Variants in LPA observed in about 807,000 individuals in gnomAD.
LPA encodes the protein apolipoprotein(a).
Under a neutral mutation model 197.9 loss-of-function variants are expected in LPA, and 199 were observed. That is an observed-to-expected ratio of 1.01 (90% CI 0.90 to 1.13). LPA has a LOEUF of 1.13. Among genes scored for constraint, LPA ranks in the 50% most tolerant of loss-of-function variants. The pLI, the probability that LPA is intolerant of heterozygous loss-of-function variation, is 0.00. For missense variants in LPA, 1,853 were observed against 1,785.8 expected, an observed-to-expected ratio of 1.04 and a Z score of -0.68; for synonymous variants, 715 against 639.5, an observed-to-expected ratio of 1.12 and a Z score of -1.78.
intron 28 of LPA, among the ~76,000 whole-genome samples, chr6:160,568,664 G>T (rs954585078): frequency 6.6e-6 from 1 of 152,134 alleles, no homozygotes; most frequent in Non-Finnish European, 1.5e-5. Flanking sequence ...AGGAAATAAA[G>T]GGTATTCAGT....
At position 160,548,528 on chromosome 6, in the gene LPA, G is replaced by A; in HGVS notation, c.5105C>T (p.Ala1702Val). ...RCSDTEGTVV[A>V]PPTVIQVPSL... is the part of the protein sequence containing the mutation. ...TGGAACCTGGATGACAGTCGGAGGA[G>A]CGACCACAGTCCCTTCTGTGTCTGA... Residue 1702 changes from alanine to valine, a missense_variant, in exon 31 of 39, where the codon GCT (alanine) becomes GTT (valine). By Grantham distance (64) the Ala-to-Val change is moderately conservative. Coordinates refer to ENST00000316300, the MANE Select transcript of LPA (RefSeq NM_005577.4). 2 of 1,614,114 alleles carry A rather than the reference G, an allele frequency of 1.2e-6. No individual in the cohort carries two copies. The highest frequency in any genetic ancestry group is 1.7e-6 in the Non-Finnish European group (2 of 1,180,016).
At position 160,591,015 on chromosome 6, in the gene LPA, T is replaced by C. The variant is rs1163781224; in HGVS notation, c.3716A>G (p.Tyr1239Cys). The C allele has an allele frequency of 6.2e-7, 1 of 1,613,900 alleles. No homozygotes were observed. The highest frequency in any genetic ancestry group is 8.5e-7 in the Non-Finnish European group (1 of 1,179,938). ...YTMDPNVRWE[Y>C]CNLTQCPVTE... ...CACTGGACATTGTGTCAGGTTGCAG[T>C]ACTCCCATCTGACATTGGGATCCAT... The change falls in exon 23 of 39, where the codon TAC becomes TGC. Residue 1239 changes from tyrosine (Y) to cysteine (C), a missense_variant. Tyr to Cys is a radical substitution (Grantham distance 194). Around this residue, in one of 3 missense-constraint regions of LPA, gnomAD observed 1,737 missense variants for 1,504.4 expected, o/e 1.15. Transcript: ENST00000316300.
intron 18 of LPA, among the ~76,000 whole-genome samples, chr6:160,601,303 G>GA (rs368291864): frequency 3.3e-5 from 5 of 151,690 alleles, no homozygotes; most frequent in African/African-American, 7.2e-5. Context: ...TTTTTTTAAA[G>GA]AAAAAAAATC....
At chr6:160,560,236 G>A (rs535616052) in intron 28 of LPA, among the ~76,000 whole-genome samples, 4 of 152,306 alleles carry the variant, frequency 2.6e-5, no homozygotes, top group Non-Finnish European at 5.9e-5. Flanking sequence ...TGTGAATAGT[G>A]CTACAATAAA....
Position 160,606,637 on chromosome 6 carries a change from G to A in LPA, c.2625C>T (p.Cys875=), listed in dbSNP as rs1779360078. The A allele has an allele frequency of 3.1e-6, 5 of 1,613,898 alleles. No individual in the cohort carries two copies. The highest frequency in any genetic ancestry group is 4.2e-6 in the Non-Finnish European group (5 of 1,179,948). Residue 875 remains cysteine (C), a synonymous_variant, in exon 17 of 39, where the codon TGC becomes TGT. Coordinates refer to ENST00000316300, the MANE Select transcript of LPA (RefSeq NM_005577.4). Reference sequence around the variant, plus strand: ...GGGCTGCCACAGGATCTGGATTCCTGCAGTAGTTCATGATCAAGCCACTGG... The same window carrying A: ...GGGCTGCCACAGGATCTGGATTCCTACAGTAGTTCATGATCAAGCCACTGG... ...YPNAGLIMNY[C]RNPDPVAAPY...
chr6:160,572,332 A>T (rs756197019), intron 28 of LPA, among the ~76,000 whole-genome samples: 7 of 152,276 alleles, frequency 4.6e-5, no homozygotes, highest in Non-Finnish European at 7.4e-5. Context: ...CCATCTTGCC[A>T]GCCACCAACT....
intron 23 of LPA, among the ~76,000 whole-genome samples, chr6:160,590,697 G>A (rs1355360658): frequency 6.6e-6 from 1 of 152,092 alleles, no homozygotes; most frequent in Non-Finnish European, 1.5e-5. Context: ...TGAATAACCA[G>A]GGGAGTGGTA....
chr6:160,554,521 A>T (rs912332831), intron 30 of LPA, among the ~76,000 whole-genome samples: 2 of 152,060 alleles, frequency 1.3e-5, no homozygotes, highest in Non-Finnish European at 2.9e-5. Flanking sequence ...GAAGGCATAA[A>T]TCCTACTCCT....
chr6:160,585,043 T>TA lies in LPA; in HGVS notation c.4289+2dup. On this transcript the variant is annotated splice_region_variant and intron_variant, in intron 26 of 38. Transcript: ENST00000316300. Reference sequence around the variant, plus strand: ...CCTTTTATGGCTAACATGATAGACATACGCATTTGGATAGTATAATGGGAT... The same window carrying TA: ...CCTTTTATGGCTAACATGATAGACATAACGCATTTGGATAGTATAATGGGAT... 1 of 1,613,634 alleles carries TA rather than the reference T, an allele frequency of 6.2e-7. No homozygotes were observed. The highest frequency in any genetic ancestry group is 8.5e-7 in the Non-Finnish European group (1 of 1,179,648).
chr6:160,591,009 T>C lies in LPA; in HGVS notation c.3722A>G (p.Asn1241Ser). 1 of 1,614,030 alleles carries C rather than the reference T, an allele frequency of 6.2e-7. No homozygotes were observed. Among genetic ancestry groups the C allele is most frequent in the Middle Eastern group, 1.7e-4 (1 of 6,060 alleles). ...MDPNVRWEYC[N>S]LTQCPVTESS... Reference sequence around the variant, plus strand: ...TTCTGTCACTGGACATTGTGTCAGGTTGCAGTACTCCCATCTGACATTGGG... The same window carrying C: ...TTCTGTCACTGGACATTGTGTCAGGCTGCAGTACTCCCATCTGACATTGGG... Residue 1241 changes from asparagine (N) to serine (S), a missense_variant, in exon 23 of 39, where the codon AAC (asparagine) becomes AGC (serine). By Grantham distance (46) the Asn-to-Ser change is conservative. Around this residue, in one of 3 missense-constraint regions of LPA, gnomAD observed 1,737 missense variants for 1,504.4 expected, o/e 1.15. Transcript: ENST00000316300.
chr6:160,554,968 C>A (rs1778229997), intron 30 of LPA, among the ~76,000 whole-genome samples: 2 of 152,064 alleles, frequency 1.3e-5, no homozygotes, highest in Admixed American at 1.3e-4. Context: ...TCATTCATTT[C>A]CTTTTCTAAA....
intron 32 of LPA, among the ~76,000 whole-genome samples, chr6:160,545,766 G>A (rs1351468855): frequency 6.6e-6 from 1 of 152,160 alleles, no homozygotes; most frequent in Non-Finnish European, 1.5e-5. Context: ...TGGTGACCCT[G>A]AAGGGTCTTT....
intron 16 of LPA, among the ~76,000 whole-genome samples, chr6:160,610,426 T>C (rs1779469331): frequency 6.6e-6 from 1 of 152,170 alleles, no homozygotes; most frequent in African/African-American, 2.4e-5. Context: ...ATTGGCAATG[T>C]GTTCCGTGAG....
chr6:160,610,326 A>G (rs1779465947), intron 16 of LPA, among the ~76,000 whole-genome samples: 1 of 152,120 alleles, frequency 6.6e-6, no homozygotes, highest in Non-Finnish European at 1.5e-5. Flanking sequence ...CTTGCTTTTC[A>G]GCTGTGCAAG....
rs534217838 is a variant in LPA at position 160,610,832 on chromosome 6, G to A, written c.2603+730C>T. ...CATCTATGGAGTTGAGCTCATCATT[G>A]GCCCTCTCTCAATTCTCTAGGTCCT... On this transcript the variant is annotated intron_variant, in intron 16 of 38. Transcript: ENST00000316300. 2.2e-4 allele frequency among the ~76,000 whole-genome samples: 33 copies of A among 152,192 alleles called. No homozygotes were observed. In the South Asian group the frequency reaches 6.6e-3, roughly 31 times the overall value.
At position 160,599,609 on chromosome 6, in the gene LPA, G is replaced by T. The variant is rs113020022; in HGVS notation, c.3178C>A (p.Gln1060Lys). 9.7e-5 allele frequency: 157 copies of T among 1,614,136 alleles called. No homozygotes were observed. In the African/African-American group the frequency reaches 1.7e-3, roughly 17 times the overall value. ...GTGGAGTATGTGCCTCGGTAACTCT[G>T]TCCATAATGGTAGTAGCAGTCCTGT... Reference protein sequence around the residue: ...GVQDCYYHYGQSYRGTYSTTV... With the variant: ...GVQDCYYHYGKSYRGTYSTTV... Residue 1060 changes from glutamine (Q) to lysine (K), a missense_variant, in exon 20 of 39, where the codon CAG becomes AAG. Physicochemically the swap from Gln to Lys is moderately conservative, Grantham distance 53. This residue lies in a region of LPA where 1,737 missense variants were observed against 1,504.4 expected (regional missense o/e 1.15). Coordinates refer to ENST00000316300, the MANE Select transcript of LPA (RefSeq NM_005577.4).
chr6:160,580,481 C>A (rs929177550), intron 26 of LPA, among the ~76,000 whole-genome samples: 1 of 152,128 alleles, frequency 6.6e-6, no homozygotes, highest in Non-Finnish European at 1.5e-5. Flanking sequence ...TATAAGAAAG[C>A]ATCAGACTGA....
At chr6:160,602,888 T>C (rs1779271039) in intron 18 of LPA, among the ~76,000 whole-genome samples, 1 of 152,212 alleles carries the variant, frequency 6.6e-6, no homozygotes, top group African/African-American at 2.4e-5. Flanking sequence ...ACTGTTCTTC[T>C]AGCAAGACAC....
At chr6:160,596,053 C>G (rs1051928922) in intron 20 of LPA, among the ~76,000 whole-genome samples, 1 of 152,242 alleles carries the variant, frequency 6.6e-6, no homozygotes, top group African/African-American at 2.4e-5. Flanking sequence ...TATTCAGCAT[C>G]TGGTTTGCTG....
Sources: allele counts gnomAD v4.1 joint callset (sites outside exome capture counted in the v4.1 genomes callset), GRCh38; gene constraint gnomAD v4.1.1; regional missense constraint gnomAD v4.1.1; transcripts MANE v1.5; gene names NCBI Gene and HGNC (gene_info 2026-07-23, HGNC 2026-07-21).